C21orf58: variants seen among roughly 807,000 people sequenced by gnomAD.
C21orf58 encodes uncharacterized protein C21orf58.
In C21orf58, 34 loss-of-function variants were observed where a neutral mutation model predicts 35.8. The ratio of observed to expected loss-of-function variants is 0.95; its 90% CI spans 0.72 to 1.26. The LOEUF is 1.26. C21orf58 is among the 50% of genes most tolerant of loss of function. The pLI, the probability that C21orf58 is intolerant of heterozygous loss-of-function variation, is 0.00. For missense variants in C21orf58, 440 were observed against 414.3 expected (o/e 1.06, Z -0.54); for synonymous variants, 191 against 175.8 (o/e 1.09, Z -0.68).
chr21:46,302,209 A>G, intron 7 of C21orf58, 55 bp from the exon 8 acceptor site: 1 of 1,425,992 alleles, frequency 7.0e-7, no homozygotes, highest in Non-Finnish European at 9.2e-7. Context: ...CCCCACCTCC[A>G]CTCCCGCCCT....
intron 5 of C21orf58, chr21:46,313,079 C>T: frequency 1.0e-6 from 1 of 985,224 alleles, no homozygotes; most frequent in Non-Finnish European, 1.2e-6. Context: ...AGTTGGCAAA[C>T]TTTTGCCAAG....
chr21:46,317,297 C>T (rs1353212990), intron 2 of C21orf58, 29 bp from the exon 3 acceptor site: 25 of 1,606,518 alleles, frequency 1.6e-5, no homozygotes, highest in Middle Eastern at 1.6e-4. Flanking sequence ...GTGACAGAGA[C>T]GGTGGCTCCA....
chr21:46,317,150 T>G, intron 3 of C21orf58, 58 bp downstream of exon 3: 2 of 1,541,590 alleles, frequency 1.3e-6, no homozygotes, highest in Non-Finnish European at 1.8e-6. Flanking sequence ...TGGCTCCCCC[T>G]GGAGTGGCTA....
chr21:46,308,536 C>T (rs910132268), intron 6 of C21orf58, among the ~76,000 whole-genome samples: 3 of 152,198 alleles, frequency 2.0e-5, no homozygotes, highest in African/African-American at 7.2e-5. Flanking sequence ...TGAAAGCATA[C>T]ATCCACAGAA....
At chr21:46,313,896 C>CAG (rs914603839) in intron 5 of C21orf58, among the ~76,000 whole-genome samples, 4 of 152,170 alleles carry the variant, frequency 2.6e-5, no homozygotes, top group Non-Finnish European at 4.4e-5. Flanking sequence ...CCCTGCACCC[C>CAG]AGTCACACGA....
intron 2 of C21orf58, among the ~76,000 whole-genome samples, chr21:46,317,657 C>A (rs2083022010): frequency 6.6e-6 from 1 of 152,224 alleles, no homozygotes; most frequent in Non-Finnish European, 1.5e-5. Context: ...AGGGGTGAGT[C>A]CCTCTCATGG....
rs11443408 is a variant in C21orf58, at chr21:46,301,154, A to AT, written c.*844dup. On this transcript the variant is annotated 3_prime_UTR_variant, in exon 8 of 8. Transcript: ENST00000291691. ...CTTGCTTCTTTCACTTTTTTATTTTATTTTTGAGACAGGGGCCTGCTCTGT... is the reference window on the plus strand; with the variant it reads ...CTTGCTTCTTTCACTTTTTTATTTTATTTTTTGAGACAGGGGCCTGCTCTGT... 1 allele frequency: 913,305 copies of AT among 913,350 alleles called. 456,631 individuals are homozygous for AT. Among genetic ancestry groups the AT allele is most frequent in the Middle Eastern group, 1 (1,796 of 1,796 alleles). The allele number at this position is 913,350 out of a possible 1,614,324, so 56.6% of individuals were successfully genotyped here.
Position 46,318,018 on chromosome 21 carries a change from C to T in C21orf58, c.303G>A (p.Leu101=), listed in dbSNP as rs758354094. The change falls in exon 2 of 8, where the codon TTG becomes TTA. Residue 101 remains leucine (L), a synonymous_variant. Coordinates refer to ENST00000291691, the MANE Select transcript of C21orf58 (RefSeq NM_058180.5). ...ATCCCGGGCTCTGCCTCACCTGTCC[C>T]AAGAGCTTCAGCGTCAGTCGGGTCA... The part of the protein sequence containing the change: ...EQVTRLTLKL[L]GQKLEQERQN... The T allele has an allele frequency of 6.2e-7, 1 of 1,613,358 alleles. No individual in the cohort carries two copies. Among genetic ancestry groups the T allele is most frequent in the Non-Finnish European group, 8.5e-7 (1 of 1,179,980 alleles).
intron 1 of C21orf58, among the ~76,000 whole-genome samples, chr21:46,321,911 T>TC (rs2083172206): frequency 6.6e-6 from 1 of 151,122 alleles, no homozygotes; most frequent in African/African-American, 2.4e-5. Context: ...CTTTTTTTTT[T>TC]TTTTTTTTTT....
chr21:46,321,998 A>G (rs1156998841), intron 1 of C21orf58, among the ~76,000 whole-genome samples: 1 of 151,386 alleles, frequency 6.6e-6, no homozygotes, highest in African/African-American at 2.4e-5. Flanking sequence ...ATAGTTTAAA[A>G]TGAATTGAGG....
Position 46,314,775 on chromosome 21 carries a change from G to C in C21orf58, c.550C>G (p.Leu184Val), listed in dbSNP as rs752928348. The C allele has an allele frequency of 6.6e-7, 1 of 1,522,556 alleles. No homozygotes were observed. The highest frequency in any genetic ancestry group is 1.2e-5 in the South Asian group (1 of 81,110). The allele number at this position is 1,522,556 out of a possible 1,614,324, so 94.3% of individuals were successfully genotyped here. A position where few individuals can be genotyped will look rare whatever the true frequency, so the allele number is the denominator to read the frequency against. The change falls in exon 5 of 8, where the codon CTA becomes GTA. Residue 184 changes from leucine (L) to valine (V), a missense_variant. By Grantham distance (32) the Leu-to-Val change is conservative. Coordinates refer to ENST00000291691, the MANE Select transcript of C21orf58 (RefSeq NM_058180.5). Reference sequence around the variant, plus strand: ...AGCGGGGATGGGGAGGCAGTGGGTAGGATGCCCGTGGGGGGCAGCTCTGGG... The same window carrying C: ...AGCGGGGATGGGGAGGCAGTGGGTACGATGCCCGTGGGGGGCAGCTCTGGG... ...LPPELPPTGI[L>V]PTASPSPLAP...
intron 6 of C21orf58, among the ~76,000 whole-genome samples, chr21:46,305,227 C>T (rs1029758585): frequency 6.7e-6 from 1 of 150,302 alleles, no homozygotes; most frequent in African/African-American, 2.5e-5. Flanking sequence ...AAATGTTCTG[C>T]GGCACAGCAG....
Position 46,302,169 on chromosome 21 carries a change from C to A in C21orf58, c.814-15G>T. On this transcript the variant is annotated splice_polypyrimidine_tract_variant and intron_variant, in intron 7 of 7. Transcript: ENST00000291691. ...TGTGGCGGGTCCTGCCACAGACGCA[C>A]CTGCTGCTTAGGACGCAGCCCAGGC... 1 of 1,465,758 alleles carries A rather than the reference C, an allele frequency of 6.8e-7. No homozygotes were observed. Among genetic ancestry groups the A allele is most frequent in the Non-Finnish European group, 9.0e-7 (1 of 1,106,864 alleles). The allele number at this position is 1,465,758 out of a possible 1,614,324, so 90.8% of individuals were successfully genotyped here.
At chr21:46,318,364 G>A (rs368349113) in intron 1 of C21orf58, 144 bp from the exon 2 acceptor site, 174 of 1,460,072 alleles carry the variant, frequency 1.2e-4, no homozygotes, top group African/African-American at 4.1e-4. Context: ...TCCACTGTGC[G>A]TCCTCAGGCT....
At chr21:46,306,407 G>A (rs989970093) in intron 6 of C21orf58, among the ~76,000 whole-genome samples, 3 of 152,042 alleles carry the variant, frequency 2.0e-5, no homozygotes, top group Non-Finnish European at 2.9e-5. Context: ...GCTGAGGTAG[G>A]AGAATCGCTT....
intron 6 of C21orf58, among the ~76,000 whole-genome samples, chr21:46,305,028 C>T (rs1302445390): frequency 3.3e-5 from 5 of 151,984 alleles, no homozygotes; most frequent in Non-Finnish European, 7.3e-5. Flanking sequence ...GAACACAGGA[C>T]GGTGGTTGCC....
intron 2 of C21orf58, 89 bp downstream of exon 2, chr21:46,317,923 T>C (rs985321980): frequency 7.0e-7 from 1 of 1,426,172 alleles, no homozygotes; most frequent in East Asian, 2.4e-5. Context: ...GGCCCTGCAT[T>C]CTGCACCTGC....
chr21:46,314,092 T>C (rs2082861225), intron 5 of C21orf58, among the ~76,000 whole-genome samples: 1 of 152,114 alleles, frequency 6.6e-6, no homozygotes, highest in Non-Finnish European at 1.5e-5. Context: ...CATTCTGCCC[T>C]TGACATTGGG....
rs1010394143 is a variant in C21orf58 at position 46,323,752 on chromosome 21, T to G, written c.-1014A>C. Reference sequence around the variant, plus strand: ...AGCGGGAGAAAACGGCCTGGCCCTGTCCGGGTGGTTGCTGAGCACCGTTCG... The same window carrying G: ...AGCGGGAGAAAACGGCCTGGCCCTGGCCGGGTGGTTGCTGAGCACCGTTCG... On this transcript the variant is annotated 5_prime_UTR_variant, in exon 1 of 8. Coordinates refer to ENST00000291691, the MANE Select transcript of C21orf58 (RefSeq NM_058180.5). The G allele has an allele frequency of 1.6e-5, 4 of 255,874 alleles. No individual in the cohort carries two copies. Among genetic ancestry groups the G allele is most frequent in the African/African-American group, 9.5e-5 (4 of 42,184 alleles). The allele number at this position is 255,874 out of a possible 1,614,324, so 15.9% of individuals were successfully genotyped here.
Sources: allele counts gnomAD v4.1 joint callset (sites outside exome capture counted in the v4.1 genomes callset), GRCh38; gene constraint gnomAD v4.1.1; transcripts MANE v1.5; gene names NCBI Gene and HGNC (gene_info 2026-07-23, HGNC 2026-07-21).